The following MGAT4C variants were observed in gnomAD, a reference collection of about 807,000 sequenced individuals.
MGAT4C encodes MGAT4 family member C, also known as alpha-1,3-mannosyl-glycoprotein 4-beta-N-acetylglucosaminyltransferase C.
In MGAT4C, 19 loss-of-function variants were observed where a neutral mutation model predicts 40.1. The ratio of observed to expected loss-of-function variants is 0.47; its 90% CI spans 0.33 to 0.70. The LOEUF is 0.70. Ranked by LOEUF, MGAT4C falls within the 30% of genes least tolerant of loss-of-function variation. The pLI is 0.02. For synonymous variants in MGAT4C, 181 were observed against 187.1 expected (o/e 0.97, Z 0.27); for missense variants, 491 against 563.2 (o/e 0.87, Z 1.30).
At chr12:86,812,828 G>A (rs906810081) in intron 1 of MGAT4C, among the ~76,000 whole-genome samples, 1 of 152,072 alleles carries the variant, frequency 6.6e-6, no homozygotes, top group African/African-American at 2.4e-5. Context: ...GTGGAGTAAG[G>A]AAATATCAGG....
At chr12:86,836,921 T>C (rs1202668716) in intron 1 of MGAT4C, among the ~76,000 whole-genome samples, 1 of 152,042 alleles carries the variant, frequency 6.6e-6, no homozygotes, top group Admixed American at 6.6e-5. Flanking sequence ...TAGCACATTG[T>C]TTGAGATTTT....
chr12:86,454,735 G>GA (rs1223084822), intron 2 of MGAT4C, among the ~76,000 whole-genome samples: 1 of 152,086 alleles, frequency 6.6e-6, no homozygotes, highest in Non-Finnish European at 1.5e-5. Context: ...ATGATATGGG[G>GA]AAAAATTTAA....
intron 2 of MGAT4C, among the ~76,000 whole-genome samples, chr12:86,537,412 C>G (rs1020688228): frequency 1.3e-5 from 2 of 150,920 alleles, no homozygotes; most frequent in African/African-American, 4.9e-5. Context: ...TACTTGTTAA[C>G]TTAGTTATAA....
intron 2 of MGAT4C, among the ~76,000 whole-genome samples, chr12:86,476,469 A>G (rs1413410871): frequency 4.6e-5 from 7 of 152,070 alleles, no homozygotes; most frequent in Admixed American, 4.6e-4. Context: ...AAGCTTATAT[A>G]CTGTTGTTGG....
chr12:86,099,314 C>G (rs1218222795), intron 1 of MGAT4C, among the ~76,000 whole-genome samples: 2 of 151,226 alleles, frequency 1.3e-5, no homozygotes, highest in Non-Finnish European at 3.0e-5. Context: ...TTGTTCCTCA[C>G]TATTTCATAG....
chr12:86,233,704 T>C (rs766346348), intron 1 of MGAT4C, among the ~76,000 whole-genome samples: 33 of 152,182 alleles, frequency 2.2e-4, no homozygotes, highest in Non-Finnish European at 4.7e-4. Context: ...AGGTATGATA[T>C]GAGCATTTAA....
intron 2 of MGAT4C, among the ~76,000 whole-genome samples, chr12:86,474,169 C>A (rs990935487): frequency 1.3e-5 from 2 of 151,834 alleles, no homozygotes; most frequent in African/African-American, 2.4e-5. Flanking sequence ...GGCACATATA[C>A]ACCATGGAAT....
intron 3 of MGAT4C, among the ~76,000 whole-genome samples, chr12:86,342,830 A>G (rs539598984): frequency 3.0e-4 from 45 of 152,284 alleles, no homozygotes; most frequent in African/African-American, 1.1e-3. Context: ...GCAGTTAGCC[A>G]TGCCTTTTCA....
chr12:86,445,111 A>C (rs1957310374), intron 2 of MGAT4C, among the ~76,000 whole-genome samples: 1 of 152,158 alleles, frequency 6.6e-6, no homozygotes, highest in Non-Finnish European at 1.5e-5. Flanking sequence ...TTTGATTGTC[A>C]TGATGGTTTC....
At chr12:86,675,218 C>T (rs1324461114) in intron 2 of MGAT4C, among the ~76,000 whole-genome samples, 1 of 152,150 alleles carries the variant, frequency 6.6e-6, no homozygotes, top group Admixed American at 6.6e-5. Flanking sequence ...AAAGTGGAAA[C>T]TGATTTTTGG....
intron 1 of MGAT4C, among the ~76,000 whole-genome samples, chr12:86,063,050 A>G (rs147619008): frequency 6.6e-6 from 1 of 152,300 alleles, no homozygotes; most frequent in East Asian, 1.9e-4. Flanking sequence ...CTTCAAGAAG[A>G]GCAACCCCAA....
At chr12:86,200,136 T>TG (rs1400611450) in intron 1 of MGAT4C, among the ~76,000 whole-genome samples, 135 of 84,822 alleles carry the variant, frequency 1.6e-3, no homozygotes, top group African/African-American at 3.5e-3. Context: ...TGTTTTTTTT[T>TG]TTTTTTTTTT....
chr12:86,815,989 C>G (rs959166000), intron 1 of MGAT4C, among the ~76,000 whole-genome samples: 2 of 151,740 alleles, frequency 1.3e-5, no homozygotes, highest in African/African-American at 4.8e-5. Flanking sequence ...ATGCCAATAA[C>G]TTATTTAAAA....
At chr12:86,362,295 C>T (rs1035244589) in intron 3 of MGAT4C, among the ~76,000 whole-genome samples, 2 of 152,068 alleles carry the variant, frequency 1.3e-5, no homozygotes, top group Admixed American at 6.6e-5. Flanking sequence ...AATGAGAACA[C>T]TTGGACACAG....
chr12:86,292,967 A>C (rs2136130065), intron 4 of MGAT4C, among the ~76,000 whole-genome samples: 1 of 152,280 alleles, frequency 6.6e-6, no homozygotes, highest in African/African-American at 2.4e-5. Flanking sequence ...AATTTGACAT[A>C]ATTGAAAAAA....
At chr12:86,725,490 C>T (rs1342476929) in intron 2 of MGAT4C, among the ~76,000 whole-genome samples, 1 of 151,842 alleles carries the variant, frequency 6.6e-6, no homozygotes, top group Non-Finnish European at 1.5e-5. Context: ...AGACCGAGAC[C>T]TTCTCTGTCA....
intron 2 of MGAT4C, among the ~76,000 whole-genome samples, chr12:86,603,022 A>G (rs1961842634): frequency 6.6e-6 from 1 of 151,702 alleles, no homozygotes; most frequent in African/African-American, 2.4e-5. Context: ...CGAAAAACAA[A>G]ATATGGCACA....
intron 3 of MGAT4C, among the ~76,000 whole-genome samples, chr12:86,364,626 T>C (rs1470449920): frequency 6.6e-6 from 1 of 152,170 alleles, no homozygotes; most frequent in African/African-American, 2.4e-5. Context: ...CGTAGGTTCT[T>C]TTCTATTTTC....
At position 86,591,295 on chromosome 12, in the gene MGAT4C, C is replaced by A. The variant is rs955107452; in HGVS notation, c.-229+135914G>T. On this transcript the variant is annotated intron_variant, in intron 2 of 7. Coordinates refer to the MGAT4C transcript ENST00000548651. ...TCCAGTCCCTGGAAATTAAGTAGGGCATCAGATCTATGATATTAATAGAAT... is the reference window on the plus strand; with the variant it reads ...TCCAGTCCCTGGAAATTAAGTAGGGAATCAGATCTATGATATTAATAGAAT... 5.3e-5 allele frequency among the ~76,000 whole-genome samples: 8 copies of A among 151,964 alleles called. 1 individual carries two copies. The highest frequency in any genetic ancestry group is 2.6e-4 in the Admixed American group (4 of 15,228).
Sources: allele counts gnomAD v4.1 joint callset (sites outside exome capture counted in the v4.1 genomes callset), GRCh38; gene constraint gnomAD v4.1.1; transcripts MANE v1.5; gene names NCBI Gene and HGNC (gene_info 2026-07-23, HGNC 2026-07-21).